CACNA1H: variants seen among roughly 807,000 people sequenced by gnomAD.
CACNA1H encodes the protein voltage-dependent T-type calcium channel subunit alpha-1H.
A neutral mutation model predicts 192.5 loss-of-function variants in CACNA1H; 149 were observed. The ratio of observed to expected loss-of-function variants is 0.77; its 90% CI spans 0.68 to 0.89. The LOEUF (loss-of-function observed/expected upper bound fraction) is 0.89. Ranked by LOEUF, CACNA1H falls within the 40% of genes least tolerant of loss-of-function variation. CACNA1H has a pLI of 0.00. For synonymous variants in CACNA1H, 2,202 were observed against 1,475.2 expected, an observed-to-expected ratio of 1.49 and a Z score of -11.29; for missense variants, 4,257 against 3,423.5, an observed-to-expected ratio of 1.24 and a Z score of -6.08.
chr16:1,166,743 T>C (rs1277984078), intron 2 of CACNA1H, among the ~76,000 whole-genome samples: 2 of 152,156 alleles, frequency 1.3e-5, no homozygotes, highest in African/African-American at 4.8e-5. Context: ...GGGCCGGTCG[T>C]CCATCCTCCC....
At position 1,153,142 on chromosome 16, in the gene CACNA1H, G is replaced by C. The variant is rs1168538824; in HGVS notation, c.-347G>C. 4 of 143,726 alleles carry C rather than the reference G, an allele frequency of 2.8e-5. No homozygotes were observed. Among genetic ancestry groups the C allele is most frequent in the Non-Finnish European group, 6.2e-5 (4 of 64,722 alleles). 8.9% of individuals were successfully genotyped at this position (143,726 alleles called of 1,614,324 possible). ...TCCTGCGCCGCGCGCGGACGGGCTC[G>C]AGGCTCGCTCGCTGCCTCACCGGTC... On this transcript the variant is annotated 5_prime_UTR_variant, in exon 1 of 35. Coordinates refer to ENST00000348261, the MANE Select transcript of CACNA1H (RefSeq NM_021098.3).
rs1307533761 is a variant in CACNA1H, at chr16:1,171,327, A to AG, written c.299+17297dup. ...GGGGCTTTGGGGCTGTCAGCAGCCC[A>AG]GGGGGGTAAGAGGACGAGGCCCAGA... On this transcript the variant is annotated intron_variant, in intron 2 of 34. Coordinates refer to ENST00000348261, the MANE Select transcript of CACNA1H (RefSeq NM_021098.3). 2.6e-5 allele frequency among the ~76,000 whole-genome samples: 4 copies of AG among 152,038 alleles called. No homozygotes were observed. The East Asian group carries it at 7.8e-4, about 30-fold the overall frequency.
At chr16:1,191,972 C>G (rs556411621) in intron 2 of CACNA1H, among the ~76,000 whole-genome samples, 2 of 152,384 alleles carry the variant, frequency 1.3e-5, no homozygotes, top group East Asian at 3.9e-4. Context: ...TTTGGGGTTC[C>G]ATTGTCGCCA....
rs1435560643 is a variant in CACNA1H at position 1,208,028 on chromosome 16, C to T, written c.3170C>T (p.Ser1057Phe). 4.4e-6 allele frequency: 7 copies of T among 1,605,520 alleles called. No homozygotes were observed. The highest frequency in any genetic ancestry group is 1.3e-5 in the African/African-American group (1 of 74,748). ...ELQTTELKMC[S>F]LAVTPNGHLE... ...TGTCCCGCAGAGCTGAAGATGTGTT[C>T]CCTGGCCGTGACCCCCAACGGGCAC... is the stretch of plus-strand genomic sequence containing the variant. The change falls in exon 16 of 35, where the codon TCC becomes TTC. Residue 1057 changes from serine to phenylalanine, a missense_variant. Coordinates refer to ENST00000348261, the MANE Select transcript of CACNA1H (RefSeq NM_021098.3).
At chr16:1,193,974 A>G (rs1035371150) in intron 2 of CACNA1H, among the ~76,000 whole-genome samples, 8 of 152,114 alleles carry the variant, frequency 5.3e-5, no homozygotes, top group South Asian at 2.1e-4. Context: ...CGCAGCACCC[A>G]GGACCTCCGC....
intron 2 of CACNA1H, among the ~76,000 whole-genome samples, chr16:1,154,647 G>A (rs1440293505): frequency 1.3e-5 from 2 of 152,192 alleles, no homozygotes; most frequent in Non-Finnish European, 2.9e-5. Context: ...GTCATGCGCA[G>A]CTGAAGGGTA....
intron 2 of CACNA1H, among the ~76,000 whole-genome samples, chr16:1,154,914 AG>A (rs1962105092): frequency 1.3e-5 from 2 of 152,074 alleles, no homozygotes; most frequent in South Asian, 4.1e-4. Flanking sequence ...TGCCTGTGTC[AG>A]GGCCGGGTCT....
Position 1,202,215 on chromosome 16 carries a change from G to C in CACNA1H, c.1765G>C (p.Ala589Pro), listed in dbSNP as rs769240762. The change falls in exon 9 of 35, where the codon GCC (alanine) becomes CCC (proline). Residue 589 changes from alanine (A) to proline (P), a missense_variant. Ala to Pro is a conservative substitution (Grantham distance 27). Transcript: ENST00000348261. ...DCHIEGPQER[A>P]RVAHAAATAA... Reference sequence around the variant, plus strand: ...CCACATAGAGGGGCCGCAGGAGAGGGCCCGGGTGGCACATGCCGCAGCCAC... The same window carrying C: ...CCACATAGAGGGGCCGCAGGAGAGGCCCCGGGTGGCACATGCCGCAGCCAC... 2 of 1,553,418 alleles carry C rather than the reference G, an allele frequency of 1.3e-6. No individual in the cohort carries two copies. Among genetic ancestry groups the C allele is most frequent in the Non-Finnish European group, 1.7e-6 (2 of 1,149,844 alleles).
chr16:1,218,092 G>T, intron 32 of CACNA1H, 52 bp downstream of exon 32: 1 of 1,570,378 alleles, frequency 6.4e-7, no homozygotes, highest in Non-Finnish European at 8.7e-7. Flanking sequence ...CGGTTTTTCA[G>T]GCTCTCCCAG....
In CACNA1H at chr16:1,201,821, C is replaced by T. The variant is rs368758031; in HGVS notation, c.1371C>T (p.Tyr457=). 5.7e-4 allele frequency: 897 copies of T among 1,581,512 alleles called. 6 individuals carry two copies. Among genetic ancestry groups the T allele is most frequent in the Middle Eastern group, 1.2e-3 (7 of 5,908 alleles). ...GCTTCTCCGAGCCTGGCAGCTGCTA[C>T]GAAGAGCTGCTGAAGTACGTGGGCC... is the stretch of plus-strand genomic sequence containing the variant. ...LASFSEPGSC[Y]EELLKYVGHI... is the part of the protein sequence containing the mutation. The change falls in exon 9 of 35, where the codon TAC becomes TAT. Residue 457 remains tyrosine (Y), a synonymous_variant. Coordinates refer to ENST00000348261, the MANE Select transcript of CACNA1H (RefSeq NM_021098.3).
intron 11 of CACNA1H, among the ~76,000 whole-genome samples, chr16:1,205,859 A>G (rs912620136): frequency 6.6e-6 from 1 of 152,230 alleles, no homozygotes; most frequent in Non-Finnish European, 1.5e-5. Context: ...TGCCCTGGCC[A>G]GAGCCAGGCT....
intron 2 of CACNA1H, among the ~76,000 whole-genome samples, chr16:1,176,226 CCTGA>C (rs1964874086): frequency 6.6e-6 from 1 of 152,242 alleles, no homozygotes; most frequent in Admixed American, 6.5e-5. Flanking sequence ...CTGGAGCTGC[CCTGA>C]CTGTCGGTTC....
In CACNA1H at chr16:1,210,434, A is replaced by G; in HGVS notation, c.3910A>G (p.Ile1304Val). 1 of 1,605,920 alleles carries G rather than the reference A, an allele frequency of 6.2e-7. No homozygotes were observed. The highest frequency in any genetic ancestry group is 8.5e-7 in the Non-Finnish European group (1 of 1,179,108). ...GTTTGATCACGTGGTCCTCGTCTTCATCTTCCTCAACTGCGTCACCATCGC... is the reference window on the plus strand; with the variant it reads ...GTTTGATCACGTGGTCCTCGTCTTCGTCTTCCTCAACTGCGTCACCATCGC... ...KMFDHVVLVF[I>V]FLNCVTIALE... Residue 1304 changes from isoleucine to valine, a missense_variant, in exon 19 of 35, where the codon ATC (isoleucine) becomes GTC (valine). Physicochemically the swap from Ile to Val is conservative, Grantham distance 29. Coordinates refer to ENST00000348261, the MANE Select transcript of CACNA1H (RefSeq NM_021098.3).
chr16:1,204,538 C>T, intron 10 of CACNA1H, 80 bp downstream of exon 10: 2 of 1,156,644 alleles, frequency 1.7e-6, no homozygotes, highest in Non-Finnish European at 2.4e-6. Context: ...TTCCAGCAGC[C>T]CCGATGCCTG....
chr16:1,187,181 G>A (rs62012320), intron 2 of CACNA1H, among the ~76,000 whole-genome samples: 26,867 of 152,312 alleles, frequency 0.18, 2,454 homozygotes, highest in African/African-American at 0.2. Context: ...AAGGTTGAGC[G>A]TTCCTGAGAA....
chr16:1,211,672 C>T (rs756900684), intron 23 of CACNA1H, 44 bp from the exon 24 acceptor site: 14 of 1,611,146 alleles, frequency 8.7e-6, no homozygotes, highest in Admixed American at 3.3e-5. Flanking sequence ...GGGCCGGCGA[C>T]CCCAGCTCTA....
rs1024803526 is a variant in CACNA1H, at chr16:1,195,349, G to A, written c.412-83G>A. ...GGCGAGGGGTGTGGCAAGACTGGGGGCCGGGCTCTTGCGGGGCTGGGGTTG... is the reference window on the plus strand; with the variant it reads ...GGCGAGGGGTGTGGCAAGACTGGGGACCGGGCTCTTGCGGGGCTGGGGTTG... On this transcript the variant is annotated intron_variant, in intron 3 of 34. Coordinates refer to ENST00000348261, the MANE Select transcript of CACNA1H (RefSeq NM_021098.3). 4 of 1,512,040 alleles carry A rather than the reference G, an allele frequency of 2.6e-6. No individual in the cohort carries two copies. In the Admixed American group the frequency reaches 6.1e-5, roughly 23 times the overall value. The allele number at this position is 1,512,040 out of a possible 1,614,324, so 93.7% of individuals were successfully genotyped here. A position where few individuals can be genotyped will look rare whatever the true frequency, so the allele number is the denominator to read the frequency against.
Position 1,200,494 on chromosome 16 carries a change from C to T in CACNA1H, c.1042C>T (p.Arg348Cys), listed in dbSNP as rs781599681. ...INWNQYYNVCRSGDSNPHNGA... is the reference protein window; with the variant it reads ...INWNQYYNVCCSGDSNPHNGA... ...CTGGAACCAGTACTACAACGTGTGC[C>T]GCTCGGGTGACTCCAACCCCCACAA... is the stretch of plus-strand genomic sequence containing the variant. Residue 348 changes from arginine to cysteine, a missense_variant, in exon 7 of 35, where the codon CGC becomes TGC. Transcript: ENST00000348261. The T allele has an allele frequency of 5.6e-6, 9 of 1,612,242 alleles. No individual in the cohort carries two copies. The highest frequency in any genetic ancestry group is 3.3e-5 in the Admixed American group (2 of 60,012).
At chr16:1,172,717 C>T (rs1193548914) in intron 2 of CACNA1H, among the ~76,000 whole-genome samples, 1 of 151,958 alleles carries the variant, frequency 6.6e-6, no homozygotes, top group Non-Finnish European at 1.5e-5. Context: ...CAGGGAGGTG[C>T]ATGGGGTGAG....
Sources: allele counts gnomAD v4.1 joint callset (sites outside exome capture counted in the v4.1 genomes callset), GRCh38; gene constraint gnomAD v4.1.1; transcripts MANE v1.5; gene names NCBI Gene and HGNC (gene_info 2026-07-23, HGNC 2026-07-21).